Variants in ZNF468 observed in about 807,000 individuals in gnomAD.
The protein encoded by ZNF468 is zinc finger protein 468, also known as zinc finger protein ZNF468.
A neutral mutation model predicts 7.2 loss-of-function variants in ZNF468; 8 were observed. The observed-to-expected ratio is 1.11, with a 90% CI of 0.65 to 2.01. ZNF468 has a LOEUF of 2.01. ZNF468 is among the 30% of genes most tolerant of loss of function. ZNF468 has a pLI of 0.00. For missense variants in ZNF468, 608 were observed against 626.5 expected (o/e 0.97, Z 0.31); for synonymous variants, 218 against 214.4 (o/e 1.02, Z -0.15).
Position 52,839,200 on chromosome 19 carries a change from T to C in ZNF468, c.*1525A>G, listed in dbSNP as rs535874311. ...CTGGGAGGAGGAGGTTGCAGTGAGC[T>C]GAGATCGTGCCACTGCACTCCAACC... On this transcript the variant is annotated 3_prime_UTR_variant, in exon 4 of 4. Transcript: ENST00000595646. The C allele has an allele frequency of 1.0e-3, 169 of 161,050 alleles. 1 individual carries two copies. The highest frequency in any genetic ancestry group is 3.1e-3 in the Middle Eastern group (1 of 322). The allele number at this position is 161,050 out of a possible 1,614,324, so 10.0% of individuals were successfully genotyped here.
In ZNF468 at chr19:52,840,427, C is replaced by T; in HGVS notation, c.*298G>A. 1.8e-6 allele frequency: 1 copy of T among 550,290 alleles called. No individual in the cohort carries two copies. The highest frequency in any genetic ancestry group is 1.9e-5 in the South Asian group (1 of 52,436). The allele number at this position is 550,290 out of a possible 1,614,324, so 34.1% of individuals were successfully genotyped here. The stretch of plus-strand genomic sequence containing the variant: ...CCAGTGTGAATTCTAGTATGTTTTG[C>T]CAGATATGCATTATATGCAAAAACC... On this transcript the variant is annotated 3_prime_UTR_variant, in exon 4 of 4. Coordinates refer to ENST00000595646, the MANE Select transcript of ZNF468 (RefSeq NM_001008801.2).
chr19:52,857,490 C>G (rs2063450878), intron 1 of ZNF468, 82 bp downstream of exon 1: 1 of 152,356 alleles, frequency 6.6e-6, no homozygotes, highest in African/African-American at 2.4e-5. Flanking sequence ...ACTTCCAGGT[C>G]TATGGGGACC....
At position 52,854,337 on chromosome 19, in the gene ZNF468, A is replaced by C. The variant is rs2063418065; in HGVS notation, c.-65T>G. ...TTTCTCACGTACCAACAGTCTTTAGAAGTCAATCCTGAATGTTAAAAATAT... is the reference window on the plus strand; with the variant it reads ...TTTCTCACGTACCAACAGTCTTTAGCAGTCAATCCTGAATGTTAAAAATAT... On this transcript the variant is annotated 5_prime_UTR_variant, in exon 2 of 4. Coordinates refer to ENST00000595646, the MANE Select transcript of ZNF468 (RefSeq NM_001008801.2). 9 of 1,610,744 alleles carry C rather than the reference A, an allele frequency of 5.6e-6. No homozygotes were observed. The Admixed American group carries it at 6.7e-5, about 12-fold the overall frequency.
chr19:52,843,324 C>T (rs2063320495), intron 3 of ZNF468, among the ~76,000 whole-genome samples: 1 of 152,086 alleles, frequency 6.6e-6, no homozygotes, highest in South Asian at 2.1e-4. Context: ...ACCTCCACCT[C>T]CTGGGTTCAT....
intron 2 of ZNF468, among the ~76,000 whole-genome samples, chr19:52,852,274 G>A (rs1404372469): frequency 6.6e-6 from 1 of 151,960 alleles, no homozygotes; most frequent in Non-Finnish European, 1.5e-5. Flanking sequence ...TCTGAGGCAG[G>A]AGACTCACTT....
In ZNF468 at chr19:52,840,556, T is replaced by G; in HGVS notation, c.*169A>C. On this transcript the variant is annotated 3_prime_UTR_variant, in exon 4 of 4. Transcript: ENST00000595646. ...AAAACTTTTGTCACATTCCTCCCAT[T>G]TGTAAGGTTTCTCTCCAGTATGAAG... 5 of 1,317,738 alleles carry G rather than the reference T, an allele frequency of 3.8e-6. No homozygotes were observed. In the South Asian group the frequency reaches 6.1e-5, roughly 16 times the overall value. 81.6% of individuals were successfully genotyped at this position (1,317,738 alleles called of 1,614,324 possible).
At chr19:52,851,519 G>A (rs1343805671) in intron 2 of ZNF468, among the ~76,000 whole-genome samples, 3 of 152,188 alleles carry the variant, frequency 2.0e-5, no homozygotes, top group African/African-American at 7.2e-5. Context: ...AGAGGTTGCA[G>A]TGAGCCGAGA....
At chr19:52,851,862 G>A (rs2063392683) in intron 2 of ZNF468, among the ~76,000 whole-genome samples, 1 of 151,980 alleles carries the variant, frequency 6.6e-6, no homozygotes, top group Non-Finnish European at 1.5e-5. Flanking sequence ...TTAAGAAAAA[G>A]GGTTGTCATT....
chr19:52,853,041 G>C (rs2063403522), intron 2 of ZNF468, among the ~76,000 whole-genome samples: 1 of 151,822 alleles, frequency 6.6e-6, no homozygotes, highest in African/African-American at 2.4e-5. Flanking sequence ...TTTTTTAATA[G>C]AGACAGGGTT....
chr19:52,854,082 T>C (rs780685913), intron 2 of ZNF468, 176 bp downstream of exon 2: 24 of 1,527,640 alleles, frequency 1.6e-5, no homozygotes, highest in Non-Finnish European at 2.0e-5. Context: ...CCCAAGTTCA[T>C]GACACTGGGT....
intron 2 of ZNF468, 184 bp downstream of exon 2, chr19:52,854,074 C>A (rs755760525): frequency 6.6e-7 from 1 of 1,519,608 alleles, no homozygotes; most frequent in East Asian, 2.4e-5. Context: ...AGCCTCTTCC[C>A]AAGTTCATGA....
At chr19:52,854,123 G>T in intron 2 of ZNF468, 135 bp downstream of exon 2, 1 of 1,581,066 alleles carries the variant, frequency 6.3e-7, no homozygotes, top group Non-Finnish European at 8.6e-7. Context: ...CGAGATGAGA[G>T]GGACTGAAGG....
intron 2 of ZNF468, among the ~76,000 whole-genome samples, chr19:52,853,201 C>G (rs751348693): frequency 3.9e-5 from 6 of 151,956 alleles, no homozygotes; most frequent in Non-Finnish European, 8.8e-5. Context: ...TACACGTGTA[C>G]GAGACTTGCT....
Position 52,842,049 on chromosome 19 carries a change from A to T in ZNF468, c.245T>A (p.Ile82Asn). 6.2e-7 allele frequency: 1 copy of T among 1,614,002 alleles called. No homozygotes were observed. The highest frequency in any genetic ancestry group is 8.5e-7 in the Non-Finnish European group (1 of 1,179,954). ...GTLHRQASHHIGEFCFHEIEK... is the reference protein window; with the variant it reads ...GTLHRQASHHNGEFCFHEIEK... Reference sequence around the variant, plus strand: ...AATTTCATGGAAACAAAATTCTCCAATGTGATGACTTGCTTGTCTGTGCAA... The same window carrying T: ...AATTTCATGGAAACAAAATTCTCCATTGTGATGACTTGCTTGTCTGTGCAA... The change falls in exon 4 of 4, where the codon ATT becomes AAT. Residue 82 changes from isoleucine (I) to asparagine (N), a missense_variant. Physicochemically the swap from Ile to Asn is moderately radical, Grantham distance 149 (BLOSUM62 -3). Coordinates refer to ENST00000595646, the MANE Select transcript of ZNF468 (RefSeq NM_001008801.2).
chr19:52,845,729 G>C (rs935175253), intron 3 of ZNF468, among the ~76,000 whole-genome samples: 1 of 152,108 alleles, frequency 6.6e-6, no homozygotes, highest in South Asian at 2.1e-4. Flanking sequence ...AACAGTCTAG[G>C]TGTGGTCGTT....
intron 3 of ZNF468, chr19:52,845,353 C>T (rs1188030047): frequency 2.0e-5 from 3 of 148,868 alleles, no homozygotes; most frequent in Admixed American, 6.8e-5. Flanking sequence ...CTCCAACCAA[C>T]AAGCCTATAT....
chr19:52,846,008 A>T (rs543073175), intron 3 of ZNF468, among the ~76,000 whole-genome samples: 2 of 152,244 alleles, frequency 1.3e-5, no homozygotes, highest in East Asian at 1.9e-4. Flanking sequence ...TATCTCATAA[A>T]TACATAAGGT....
At position 52,840,230 on chromosome 19, in the gene ZNF468, A is replaced by G. The variant is rs372767186; in HGVS notation, c.*495T>C. Reference sequence around the variant, plus strand: ...AAGATTTCTATGCAGTATGAAGTCTATGATGACTTGCAAGGTGTGATTGTT... The same window carrying G: ...AAGATTTCTATGCAGTATGAAGTCTGTGATGACTTGCAAGGTGTGATTGTT... On this transcript the variant is annotated 3_prime_UTR_variant, in exon 4 of 4. Transcript: ENST00000595646. 1.5e-5 allele frequency: 6 copies of G among 395,364 alleles called. No individual in the cohort carries two copies. The highest frequency in any genetic ancestry group is 8.4e-5 in the African/African-American group (4 of 47,860). The allele number at this position is 395,364 out of a possible 1,614,324, so 24.5% of individuals were successfully genotyped here.
Position 52,849,199 on chromosome 19 carries a change from G to C in ZNF468, c.30C>G (p.Phe10Leu), listed in dbSNP as rs143499271. The part of the protein sequence containing the change: MALPQGLLT[F>L]RDVAIEFSQE... ...GAGAGAATTCTATGGCCACGTCCCT[G>C]AATGTCAATAGACCCTGAAATGAAA... The change falls in exon 3 of 4, where the codon TTC (phenylalanine) becomes TTG (leucine). Residue 10 changes from phenylalanine to leucine, a missense_variant. Phe to Leu is a conservative substitution (Grantham distance 22). Coordinates refer to ENST00000595646, the MANE Select transcript of ZNF468 (RefSeq NM_001008801.2). The C allele has an allele frequency of 3.1e-6, 5 of 1,613,572 alleles. No individual in the cohort carries two copies. Among genetic ancestry groups the C allele is most frequent in the Non-Finnish European group, 4.2e-6 (5 of 1,179,852 alleles).
Sources: allele counts gnomAD v4.1 joint callset (sites outside exome capture counted in the v4.1 genomes callset), GRCh38; gene constraint gnomAD v4.1.1; transcripts MANE v1.5; gene names NCBI Gene and HGNC (gene_info 2026-07-23, HGNC 2026-07-21).